The following CTNNA2 variants were observed in gnomAD, a reference collection of about 807,000 sequenced individuals.
CTNNA2 encodes catenin alpha-2.
Under a neutral mutation model 101.0 loss-of-function variants are expected in CTNNA2, and 42 were observed. That is an observed-to-expected ratio of 0.42 (90% CI 0.32 to 0.54). The LOEUF (loss-of-function observed/expected upper bound fraction) is 0.54. CTNNA2 is among the 20% of genes least tolerant of loss of function. CTNNA2 has a pLI of 0.14. For missense variants in CTNNA2, 871 were observed against 1,223.1 expected (o/e 0.71, Z 4.29); for synonymous variants, 450 against 456.4 (o/e 0.99, Z 0.18).
chr2:80,636,513 A>G (rs1231612236), intron 18 of CTNNA2, among the ~76,000 whole-genome samples: 1 of 152,020 alleles, frequency 6.6e-6, no homozygotes, highest in Non-Finnish European at 1.5e-5. Context: ...GTAGTGAGGG[A>G]TCTCAGCTGG....
chr2:79,274,110 G>C (rs1675151242), intron 2 of CTNNA2, among the ~76,000 whole-genome samples: 1 of 151,964 alleles, frequency 6.6e-6, no homozygotes, highest in South Asian at 2.1e-4. Context: ...TTCAAATGCT[G>C]CTATGAATTT....
chr2:80,450,433 T>A (rs1574068667), intron 9 of CTNNA2, among the ~76,000 whole-genome samples: 1 of 152,118 alleles, frequency 6.6e-6, no homozygotes, highest in South Asian at 2.1e-4. Context: ...CCAGAGAACA[T>A]CTTCTAAAGG....
intron 2 of CTNNA2, among the ~76,000 whole-genome samples, chr2:79,243,003 C>CACACACACACACACAT (rs1674650939): frequency 2.2e-5 from 3 of 134,324 alleles, no homozygotes; most frequent in Admixed American, 7.5e-5. Context: ...TACACACACA[C>CACACACACACACACAT]ACACACACAC....
rs11382904 is a variant in CTNNA2, at chr2:79,968,830, C to CTT, written c.1056+59043_1056+59044dup. On this transcript the variant is annotated intron_variant, in intron 7 of 18. Transcript: ENST00000402739. Reference sequence around the variant, plus strand: ...CAAGTGTTTACATGGCATGACCCTTCTTTTTTTTTTTACTTTGAATCCCTT... The same window carrying CTT: ...CAAGTGTTTACATGGCATGACCCTTCTTTTTTTTTTTTTACTTTGAATCCCTT... 5.8e-3 allele frequency among the ~76,000 whole-genome samples: 857 copies of CTT among 148,202 alleles called. 7 individuals carry two copies. Among genetic ancestry groups the CTT allele is most frequent in the African/African-American group, 0.018 (731 of 40,318 alleles).
chr2:79,402,500 G>A (rs12613607), intron 4 of CTNNA2, among the ~76,000 whole-genome samples: 31,006 of 151,462 alleles, frequency 0.2, 3,165 homozygotes, highest in Middle Eastern at 0.29. Context: ...TTATAAATTA[G>A]GCACAGTAAA....
chr2:80,326,422 T>C, intron 7 of CTNNA2, among the ~76,000 whole-genome samples: 1 of 152,298 alleles, frequency 6.6e-6, no homozygotes, highest in Non-Finnish European at 1.5e-5. Flanking sequence ...CTAGTCTTCT[T>C]GTCATTTTAT....
At chr2:79,559,372 C>G (rs1558729450) in intron 1 of CTNNA2, among the ~76,000 whole-genome samples, 1 of 151,690 alleles carries the variant, frequency 6.6e-6, no homozygotes, top group African/African-American at 2.4e-5. Flanking sequence ...TGGGGCGGTT[C>G]CAAGGATTTG....
intron 9 of CTNNA2, among the ~76,000 whole-genome samples, chr2:80,457,901 G>A (rs542707425): frequency 1.3e-5 from 2 of 152,144 alleles, no homozygotes; most frequent in Non-Finnish European, 2.9e-5. Flanking sequence ...AGAGGAGATC[G>A]AAAGAGATGA....
At chr2:80,098,120 T>C (rs1700280453) in intron 7 of CTNNA2, among the ~76,000 whole-genome samples, 1 of 152,170 alleles carries the variant, frequency 6.6e-6, no homozygotes, top group Non-Finnish European at 1.5e-5. Context: ...CTCTGTTTTT[T>C]CCTCATCTTT....
intron 2 of CTNNA2, among the ~76,000 whole-genome samples, chr2:79,227,554 A>G (rs1449352009): frequency 6.6e-6 from 1 of 150,408 alleles, no homozygotes; most frequent in African/African-American, 2.5e-5. Flanking sequence ...CCAGACAACC[A>G]CAATAAAACA....
At chr2:79,935,604 A>G (rs574187914) in intron 7 of CTNNA2, among the ~76,000 whole-genome samples, 2 of 152,282 alleles carry the variant, frequency 1.3e-5, no homozygotes, top group African/African-American at 4.8e-5. Flanking sequence ...GTGAAATTCT[A>G]CATTTCAAAT....
chr2:80,490,280 A>ACGC (rs1686946703), intron 9 of CTNNA2, among the ~76,000 whole-genome samples: 1 of 55,766 alleles, frequency 1.8e-5, no homozygotes, highest in African/African-American at 6.4e-5. Context: ...TTCCCCCCCC[A>ACGC]CCCCCCCCCC....
At chr2:80,553,009 G>A (rs912152154) in intron 11 of CTNNA2, among the ~76,000 whole-genome samples, 1 of 150,814 alleles carries the variant, frequency 6.6e-6, no homozygotes, top group Non-Finnish European at 1.5e-5. Context: ...TTGAGGTCAG[G>A]AGTTCAAGAG....
chr2:79,594,128 A>T (rs1441674281), intron 1 of CTNNA2, among the ~76,000 whole-genome samples: 1 of 151,834 alleles, frequency 6.6e-6, no homozygotes, highest in African/African-American at 2.4e-5. Context: ...AACTCAAGTG[A>T]TCCACCACCT....
chr2:79,870,569 A>G (rs1451611919), intron 5 of CTNNA2, among the ~76,000 whole-genome samples: 3 of 152,140 alleles, frequency 2.0e-5, no homozygotes. Context: ...CCTCAGCCTC[A>G]GTATTAGTTT....
intron 7 of CTNNA2, among the ~76,000 whole-genome samples, chr2:80,158,974 G>A (rs1226319903): frequency 6.6e-6 from 1 of 152,098 alleles, no homozygotes; most frequent in Non-Finnish European, 1.5e-5. Context: ...TTGGGGATTG[G>A]GATTCCTTAC....
intron 3 of CTNNA2, among the ~76,000 whole-genome samples, chr2:79,855,426 T>C (rs963587793): frequency 8.5e-5 from 13 of 152,188 alleles, no homozygotes; most frequent in African/African-American, 3.1e-4. Flanking sequence ...AGATGCCCGA[T>C]GGTGCCGCTA....
chr2:79,707,467 C>A (rs1374332681), intron 2 of CTNNA2, among the ~76,000 whole-genome samples: 1 of 152,162 alleles, frequency 6.6e-6, no homozygotes, highest in Non-Finnish European at 1.5e-5. Context: ...GGGCAACAAC[C>A]CAACAGATGT....
chr2:79,321,114 A>G (rs1676613066), intron 3 of CTNNA2, among the ~76,000 whole-genome samples: 1 of 152,324 alleles, frequency 6.6e-6, no homozygotes, highest in Non-Finnish European at 1.5e-5. Context: ...TCCAGAAACC[A>G]TCTTAAAGGG....
Sources: gnomAD v4.1 joint callset for allele counts (sites outside exome capture counted in the v4.1 genomes callset) on GRCh38, gnomAD v4.1.1 for gene constraint, MANE v1.5 for transcripts, NCBI Gene and HGNC (gene_info 2026-07-23, HGNC 2026-07-21) for gene names.